Variants in CSMD1 observed in about 807,000 individuals in gnomAD.
The protein encoded by CSMD1 is CUB and Sushi multiple domains 1, also known as CUB and sushi domain-containing protein 1.
Under a neutral mutation model 417.5 loss-of-function variants are expected in CSMD1, and 213 were observed. The observed-to-expected ratio is 0.51, with a 90% CI of 0.46 to 0.57. CSMD1 has a LOEUF of 0.57. Ranked by LOEUF, CSMD1 falls within the 20% of genes least tolerant of loss-of-function variation. The pLI is 0.00. For synonymous variants in CSMD1, 2,862 were observed against 1,736.8 expected (o/e 1.65, Z -16.11); for missense variants, 6,923 against 4,529.7 (o/e 1.53, Z -15.17).
intron 5 of CSMD1, among the ~76,000 whole-genome samples, chr8:3,782,291 T>A (rs561303547): frequency 6.6e-6 from 1 of 152,338 alleles, no homozygotes; most frequent in South Asian, 2.1e-4. Context: ...CTTGCTTATA[T>A]ATTTCCATGC....
At chr8:4,314,094 G>C (rs1033523006) in intron 3 of CSMD1, among the ~76,000 whole-genome samples, 4 of 151,780 alleles carry the variant, frequency 2.6e-5, no homozygotes, top group Non-Finnish European at 5.9e-5. Flanking sequence ...CTGGAGATGG[G>C]GGATTCAACA....
chr8:3,054,863 TGTGGGAA>T (rs1026704908), intron 49 of CSMD1, among the ~76,000 whole-genome samples: 9 of 152,182 alleles, frequency 5.9e-5, no homozygotes, highest in African/African-American at 2.2e-4. Context: ...GCAACAGATC[TGTGGGAA>T]GACTGTTGGC....
intron 3 of CSMD1, among the ~76,000 whole-genome samples, chr8:4,065,189 C>G (rs947585987): frequency 1.3e-5 from 2 of 152,126 alleles, no homozygotes; most frequent in Admixed American, 1.3e-4. Context: ...TGATACAAAC[C>G]ATTCATAACT....
chr8:2,985,321 G>C (rs992281668), intron 54 of CSMD1, among the ~76,000 whole-genome samples: 5 of 151,044 alleles, frequency 3.3e-5, no homozygotes, highest in African/African-American at 1.2e-4. Context: ...GTAAGTGAGG[G>C]AGGAGACTGT....
At chr8:3,309,042 CGG>C (rs893945062) in intron 23 of CSMD1, among the ~76,000 whole-genome samples, 1 of 152,032 alleles carries the variant, frequency 6.6e-6, no homozygotes, top group African/African-American at 2.4e-5. Flanking sequence ...TCTTGTTTTC[CGG>C]AGTTCCACAA....
At chr8:4,158,792 C>A (rs912900135) in intron 3 of CSMD1, among the ~76,000 whole-genome samples, 2 of 152,196 alleles carry the variant, frequency 1.3e-5, no homozygotes, top group Admixed American at 6.5e-5. Context: ...GATTTTAGAA[C>A]TTTCCCAAGT....
chr8:4,191,008 T>G (rs1201700957), intron 3 of CSMD1, among the ~76,000 whole-genome samples: 1 of 152,020 alleles, frequency 6.6e-6, no homozygotes, highest in East Asian at 1.9e-4. Flanking sequence ...ACTTAGTACT[T>G]GAGTGATGAA....
At chr8:4,176,575 C>A (rs543019862) in intron 3 of CSMD1, among the ~76,000 whole-genome samples, 5 of 151,446 alleles carry the variant, frequency 3.3e-5, no homozygotes, top group Non-Finnish European at 7.4e-5. Flanking sequence ...AGTAGAAGTA[C>A]CCTCTAGTAG....
chr8:3,199,774 G>C lies in CSMD1; in HGVS notation c.5134C>G (p.Leu1712Val), dbSNP rs1417235981. ...TLPLATSNQI[L>V]LRFSAKSGAS... ...CCGCTCTTTGCACTGAATCGGAGCAGAATTTGATTTGACGTAGCCAAGGGC... is the reference window on the plus strand; with the variant it reads ...CCGCTCTTTGCACTGAATCGGAGCACAATTTGATTTGACGTAGCCAAGGGC... The change falls in exon 33 of 70, where the codon CTG (leucine) becomes GTG (valine). Residue 1712 changes from leucine to valine, a missense_variant. By Grantham distance (32) the Leu-to-Val change is conservative. Coordinates refer to ENST00000635120, the MANE Select transcript of CSMD1 (RefSeq NM_033225.6). 4.4e-6 allele frequency: 7 copies of C among 1,584,384 alleles called. No homozygotes were observed. The African/African-American group carries it at 5.4e-5, about 12-fold the overall frequency.
chr8:4,849,460 G>C (rs1482920166), intron 1 of CSMD1, among the ~76,000 whole-genome samples: 2 of 152,060 alleles, frequency 1.3e-5, no homozygotes, highest in Non-Finnish European at 2.9e-5. Flanking sequence ...GTCCACAATA[G>C]TGAACAGTAA....
chr8:4,066,052 G>C (rs927039017), intron 3 of CSMD1, among the ~76,000 whole-genome samples: 1 of 152,180 alleles, frequency 6.6e-6, no homozygotes, highest in Non-Finnish European at 1.5e-5. Flanking sequence ...GAAAGGAATG[G>C]GAAAGCCTGG....
intron 3 of CSMD1, among the ~76,000 whole-genome samples, chr8:4,397,584 C>A (rs1434558228): frequency 7.4e-6 from 1 of 134,838 alleles, no homozygotes; most frequent in Non-Finnish European, 1.5e-5. Context: ...GCCCAGGCCA[C>A]AGTGCAGCAC....
Position 2,937,298 on chromosome 8 carries a change from G to A in CSMD1, c.*1287C>T, listed in dbSNP as rs1358203755. ...ATGTATAAAATATATCATTGTGAGA[G>A]GAGAGTGTGTGTACTTTTTCCTTCC... On this transcript the variant is annotated 3_prime_UTR_variant, in exon 70 of 70. Transcript: ENST00000635120. 6.6e-6 allele frequency: 1 copy of A among 152,160 alleles called. No individual in the cohort carries two copies. Among genetic ancestry groups the A allele is most frequent in the East Asian group, 1.9e-4 (1 of 5,200 alleles). The allele number at this position is 152,160 out of a possible 1,614,324, so 9.4% of individuals were successfully genotyped here.
chr8:4,909,703 C>A (rs1166657977), intron 1 of CSMD1, among the ~76,000 whole-genome samples: 1 of 152,140 alleles, frequency 6.6e-6, no homozygotes. Context: ...ACCACTGCTT[C>A]CAGCAGCTCA....
chr8:4,727,529 G>C (rs1177027869), intron 1 of CSMD1, among the ~76,000 whole-genome samples: 5 of 152,142 alleles, frequency 3.3e-5, no homozygotes, highest in Non-Finnish European at 5.9e-5. Flanking sequence ...CCTTCTGGGT[G>C]TGTTTTGCAA....
At chr8:4,661,454 A>T (rs1476075496) in intron 1 of CSMD1, among the ~76,000 whole-genome samples, 1 of 152,192 alleles carries the variant, frequency 6.6e-6, no homozygotes, top group Non-Finnish European at 1.5e-5. Flanking sequence ...ATAGAAATGG[A>T]GAACAGATTA....
At chr8:3,644,474 T>C (rs1203797018) in intron 7 of CSMD1, among the ~76,000 whole-genome samples, 1 of 152,096 alleles carries the variant, frequency 6.6e-6, no homozygotes, top group Non-Finnish European at 1.5e-5. Flanking sequence ...TATGTGCTCC[T>C]TGGACATCAA....
intron 1 of CSMD1, among the ~76,000 whole-genome samples, chr8:4,764,684 TA>T (rs35513756): frequency 0.23 from 32,498 of 142,870 alleles, 3,631 homozygotes; most frequent in East Asian, 0.29. Context: ...AAAAATTTGT[TA>T]AAAAAAAAAA....
At chr8:4,246,718 A>C (rs1034357617) in intron 3 of CSMD1, among the ~76,000 whole-genome samples, 7 of 152,276 alleles carry the variant, frequency 4.6e-5, no homozygotes, top group Middle Eastern at 3.4e-3. Flanking sequence ...TTAATTTATC[A>C]TTGGAATAAT....
Sources: allele counts gnomAD v4.1 joint callset (sites outside exome capture counted in the v4.1 genomes callset), GRCh38; gene constraint gnomAD v4.1.1; transcripts MANE v1.5; gene names NCBI Gene and HGNC (gene_info 2026-07-23, HGNC 2026-07-21).